SORCS2: variants seen among roughly 807,000 people sequenced by gnomAD.
The protein encoded by SORCS2 is VPS10 domain-containing receptor SorCS2.
SORCS2 carries 100 observed loss-of-function variants against 141.6 expected under a neutral mutation model. The ratio of observed to expected loss-of-function variants is 0.71; its 90% confidence interval spans 0.60 to 0.83. The LOEUF is 0.83. Among genes scored for constraint, SORCS2 ranks in the 40% least tolerant of loss-of-function variants. The probability of loss-of-function intolerance (pLI) is 0.00; values close to 1 mark genes in which losing one functional copy is unlikely to be tolerated. For synonymous variants in SORCS2, 789 were observed against 676.9 expected, an observed-to-expected ratio of 1.17 and a Z score of -2.57; for missense variants, 1,646 against 1,560.2, an observed-to-expected ratio of 1.05 and a Z score of -0.93.
chr4:7,325,314 G>A (rs1381412100), intron 1 of SORCS2, among the ~76,000 whole-genome samples: 1 of 152,194 alleles, frequency 6.6e-6, no homozygotes, highest in Non-Finnish European at 1.5e-5. Context: ...TCTGTTAAGT[G>A]GGGGTGATTG....
intron 3 of SORCS2, among the ~76,000 whole-genome samples, chr4:7,552,179 C>T (rs988512469): frequency 2.0e-5 from 3 of 152,198 alleles, no homozygotes; most frequent in African/African-American, 7.2e-5. Context: ...GACAGGGAAA[C>T]AGAAACCTGT....
At chr4:7,623,054 T>C (rs796906420) in intron 3 of SORCS2, among the ~76,000 whole-genome samples, 10 of 152,074 alleles carry the variant, frequency 6.6e-5, no homozygotes, top group African/African-American at 2.2e-4. Flanking sequence ...CAGAAGACGG[T>C]GCTACCTCCC....
At chr4:7,247,708 G>A (rs115049432) in intron 1 of SORCS2, among the ~76,000 whole-genome samples, 2,352 of 152,294 alleles carry the variant, frequency 0.015, 66 homozygotes, top group African/African-American at 0.054. Context: ...GCGCGGCCTG[G>A]GGGACCTGGC....
Position 7,742,227 on chromosome 4 carries a change from AG to A in SORCS2, c.*1965del, listed in dbSNP as rs1286912230. On this transcript the variant is annotated 3_prime_UTR_variant, in exon 27 of 27. Transcript: ENST00000507866. ...CCCATTCCCCTGCTTGCAGTCTGCAAGGACACCTTTGCAGGGATTCTTGTCC... is the reference window on the plus strand; with the variant it reads ...CCCATTCCCCTGCTTGCAGTCTGCAAGACACCTTTGCAGGGATTCTTGTCC... 1 of 152,274 alleles carries A rather than the reference AG, an allele frequency of 6.6e-6. No homozygotes were observed. Among genetic ancestry groups the A allele is most frequent in the Non-Finnish European group, 1.5e-5 (1 of 68,082 alleles). The allele number at this position is 152,274 out of a possible 1,614,324, so 9.4% of individuals were successfully genotyped here. A position where few individuals can be genotyped will look rare whatever the true frequency, so the allele number is the denominator to read the frequency against.
intron 2 of SORCS2, among the ~76,000 whole-genome samples, chr4:7,461,234 T>C (rs1729289204): frequency 6.6e-6 from 1 of 152,220 alleles, no homozygotes; most frequent in African/African-American, 2.4e-5. Context: ...CCCTCTGCCG[T>C]CACAGGACTT....
Position 7,740,450 on chromosome 4 carries a change from A to AC in SORCS2, c.*192dup, listed in dbSNP as rs891544583. Reference sequence around the variant, plus strand: ...CCCAGGCCCACGGGGGGCCCACGGGACCCCCCGGGACTCCCCGGACATGGC... The same window carrying AC: ...CCCAGGCCCACGGGGGGCCCACGGGACCCCCCCGGGACTCCCCGGACATGGC... On this transcript the variant is annotated 3_prime_UTR_variant, in exon 27 of 27. Coordinates refer to ENST00000507866, the MANE Select transcript of SORCS2 (RefSeq NM_020777.3). 3.4e-6 allele frequency: 2 copies of AC among 589,230 alleles called. No individual in the cohort carries two copies. The highest frequency in any genetic ancestry group is 3.8e-5 in the African/African-American group (2 of 53,238). The allele number at this position is 589,230 out of a possible 1,614,324, so 36.5% of individuals were successfully genotyped here. A position where few individuals can be genotyped will look rare whatever the true frequency, so the allele number is the denominator to read the frequency against.
At chr4:7,565,022 C>G (rs1714866259) in intron 3 of SORCS2, among the ~76,000 whole-genome samples, 1 of 152,108 alleles carries the variant, frequency 6.6e-6, no homozygotes, top group Admixed American at 6.5e-5. Context: ...TTGGATGCTC[C>G]TCCTCATGTT....
intron 1 of SORCS2, among the ~76,000 whole-genome samples, chr4:7,281,986 A>C (rs920569358): frequency 6.6e-6 from 1 of 152,162 alleles, no homozygotes; most frequent in African/African-American, 2.4e-5. Flanking sequence ...CCCACTCCTG[A>C]AATTGCTTCC....
chr4:7,413,185 G>A (rs1055192915), intron 2 of SORCS2, among the ~76,000 whole-genome samples: 2 of 151,948 alleles, frequency 1.3e-5, no homozygotes, highest in African/African-American at 2.4e-5. Flanking sequence ...TTTATATACT[G>A]TAATTATAAT....
chr4:7,278,691 G>A (rs1031033691), intron 1 of SORCS2, among the ~76,000 whole-genome samples: 1 of 152,208 alleles, frequency 6.6e-6, no homozygotes, highest in Non-Finnish European at 1.5e-5. Context: ...GGGGCCAGCT[G>A]TCCTTGGATG....
In SORCS2 at chr4:7,201,294, G is replaced by A. The variant is rs1727471992; in HGVS notation, c.480+8168G>A. 6.6e-6 allele frequency among the ~76,000 whole-genome samples: 1 copy of A among 152,240 alleles called. No individual in the cohort carries two copies. On this transcript the variant is annotated intron_variant, in intron 1 of 26. Coordinates refer to ENST00000507866, the MANE Select transcript of SORCS2 (RefSeq NM_020777.3). The surrounding 1 kb of genome is among the most constrained non-coding windows in gnomAD (Gnocchi z 4.4). Reference sequence around the variant, plus strand: ...GACTCGTGCGTTGATCAAGAAGCCTGGCTCGAAGTCATAGAGACAGCCCTG... The same window carrying A: ...GACTCGTGCGTTGATCAAGAAGCCTAGCTCGAAGTCATAGAGACAGCCCTG...
At chr4:7,714,485 T>C in intron 16 of SORCS2, 112 bp downstream of exon 16, 1 of 1,230,260 alleles carries the variant, frequency 8.1e-7, no homozygotes. Flanking sequence ...TTTTATAACC[T>C]GGTGTCACAG....
intron 1 of SORCS2, among the ~76,000 whole-genome samples, chr4:7,349,145 G>C (rs547035816): frequency 2.0e-4 from 31 of 152,238 alleles, no homozygotes; most frequent in African/African-American, 7.5e-4. Context: ...CATTGCGCAA[G>C]GTTTGGAGTG....
intron 1 of SORCS2, among the ~76,000 whole-genome samples, chr4:7,219,170 CTG>C (rs57092836): frequency 1.3e-5 from 2 of 150,688 alleles, no homozygotes; most frequent in Non-Finnish European, 3.0e-5. Context: ...TTTGTCTATG[CTG>C]TGTGTGTGTG....
At chr4:7,401,857 C>G (rs1381302975) in intron 2 of SORCS2, among the ~76,000 whole-genome samples, 2 of 152,024 alleles carry the variant, frequency 1.3e-5, no homozygotes, top group Non-Finnish European at 2.9e-5. Context: ...GAATCCTCTC[C>G]TTTTTGTTAG....
At chr4:7,444,661 G>T (rs557428293) in intron 2 of SORCS2, among the ~76,000 whole-genome samples, 285 of 152,284 alleles carry the variant, frequency 1.9e-3, no homozygotes, top group African/African-American at 6.5e-3. Flanking sequence ...TTGAGCAGAG[G>T]GCTGACATGA....
chr4:7,413,992 T>C (rs900289329), intron 2 of SORCS2, among the ~76,000 whole-genome samples: 1 of 152,108 alleles, frequency 6.6e-6, no homozygotes, highest in African/African-American at 2.4e-5. Context: ...TACTGGAGGA[T>C]GTAGAGACGA....
intron 1 of SORCS2, among the ~76,000 whole-genome samples, chr4:7,200,671 A>G (rs1470033970): frequency 2.6e-5 from 4 of 152,184 alleles, no homozygotes; most frequent in Non-Finnish European, 5.9e-5. Flanking sequence ...GCAGATTTCC[A>G]TGAGAGTTGA....
chr4:7,503,428 A>G (rs1248684925), intron 2 of SORCS2, among the ~76,000 whole-genome samples: 2 of 152,222 alleles, frequency 1.3e-5, no homozygotes. Flanking sequence ...CATGGAGATG[A>G]GCTAGAGACC....
Sources: gnomAD v4.1 joint callset for allele counts (sites outside exome capture counted in the v4.1 genomes callset) on GRCh38, gnomAD v4.1.1 for gene constraint, Gnocchi (gnomAD v3.1) non-coding constraint, MANE v1.5 for transcripts, NCBI Gene and HGNC (gene_info 2026-07-23, HGNC 2026-07-21) for gene names.